The following UNC79 variants were observed in gnomAD, a reference collection of about 807,000 sequenced individuals.
UNC79 encodes the protein unc-79 subunit of NALCN channel complex.
A neutral mutation model predicts 283.1 loss-of-function variants in UNC79; 37 were observed. The observed-to-expected ratio is 0.13, with a 90% CI of 0.10 to 0.17. The LOEUF (loss-of-function observed/expected upper bound fraction) is 0.17. Among genes scored for constraint, UNC79 ranks in the 10% least tolerant of loss-of-function variants. The pLI, the probability that UNC79 is intolerant of heterozygous loss-of-function variation, is 1.00. For synonymous variants in UNC79, 1,107 were observed against 1,200.2 expected, an observed-to-expected ratio of 0.92 and a Z score of 1.61; for missense variants, 2,272 against 3,211.1, an observed-to-expected ratio of 0.71 and a Z score of 7.07.
At chr14:93,558,593 A>ATTTTTTTTTTTTTT (rs71129647) in intron 14 of UNC79, among the ~76,000 whole-genome samples, 8 of 62,778 alleles carry the variant, frequency 1.3e-4, no homozygotes, top group African/African-American at 4.4e-4. Flanking sequence ...AGAAACAGGG[A>ATTTTTTTTTTTTTT]TTTTTTTTTT....
At position 93,690,098 on chromosome 14, in the gene UNC79, A is replaced by G. The variant is rs2074572049; in HGVS notation, c.7086-19A>G. 1 of 1,611,072 alleles carries G rather than the reference A, an allele frequency of 6.2e-7. No individual in the cohort carries two copies. Among genetic ancestry groups the G allele is most frequent in the Non-Finnish European group, 8.5e-7 (1 of 1,178,000 alleles). On this transcript the variant is annotated intron_variant, in intron 44 of 48. Transcript: ENST00000555664. The surrounding 1 kb of genome is among the most constrained non-coding windows in gnomAD (Gnocchi z 4.3). ...CACAAAACATAAAATCATCTTTAAC[A>G]CTCCTTCTTCTCTAATAGACCTAAA...
chr14:93,701,192 A>G (rs1446181593), intron 47 of UNC79, among the ~76,000 whole-genome samples: 1 of 152,144 alleles, frequency 6.6e-6, no homozygotes, highest in African/African-American at 2.4e-5. Flanking sequence ...TGCAGGACTC[A>G]CCTGGTTTGT....
chr14:93,513,148 T>C (rs1403500891), intron 7 of UNC79, among the ~76,000 whole-genome samples: 2 of 152,132 alleles, frequency 1.3e-5, no homozygotes, highest in African/African-American at 4.8e-5. Flanking sequence ...ATTTTACTTG[T>C]ACATATTTTT....
At position 93,600,782 on chromosome 14, in the gene UNC79, G is replaced by T. The variant is rs2065440551; in HGVS notation, c.3574+12G>T. ...TCCTTTTCCTACAAGTAAGTAAAAT[G>T]AAGAACTTGCTGTAAACCGTTGCAG... On this transcript the variant is annotated intron_variant, in intron 25 of 48. Transcript: ENST00000555664. 2.5e-6 allele frequency: 4 copies of T among 1,609,720 alleles called. No homozygotes were observed. The highest frequency in any genetic ancestry group is 3.4e-6 in the Non-Finnish European group (4 of 1,176,674).
intron 38 of UNC79, among the ~76,000 whole-genome samples, 188 bp downstream of exon 41, chr14:93,655,595 G>A (rs1316466256): frequency 2.7e-5 from 4 of 149,840 alleles, no homozygotes; most frequent in Non-Finnish European, 5.9e-5. Flanking sequence ...GGAATGTGGA[G>A]TGAGCATTTT....
At chr14:93,347,987 A>T (rs1359204687) in intron 1 of UNC79, 1 of 1,222,796 alleles carries the variant, frequency 8.2e-7, no homozygotes, top group South Asian at 1.2e-5. Flanking sequence ...TCACTGGCCT[A>T]GGAAGCCATA....
At chr14:93,624,759 C>T (rs1381158901) in intron 30 of UNC79, among the ~76,000 whole-genome samples, 1 of 152,188 alleles carries the variant, frequency 6.6e-6, no homozygotes, top group Non-Finnish European at 1.5e-5. Flanking sequence ...TTCTGCCCCT[C>T]CTTGCTGGGC....
At chr14:93,489,769 C>T (rs949534060) in intron 5 of UNC79, among the ~76,000 whole-genome samples, 3 of 152,188 alleles carry the variant, frequency 2.0e-5, no homozygotes, top group African/African-American at 7.2e-5. Flanking sequence ...AGACCCTGCC[C>T]CTGTGGCTTT....
chr14:93,477,333 G>A (rs903281848), intron 3 of UNC79, among the ~76,000 whole-genome samples: 25 of 152,128 alleles, frequency 1.6e-4, no homozygotes, highest in Non-Finnish European at 3.5e-4. Context: ...AAAAATGCAT[G>A]TAATGGATAT....
chr14:93,690,026 C>G lies in UNC79; in HGVS notation c.7086-91C>G. ...TTATGTGATTGCCTGCAAGACCACA[C>G]TTTCAATCCCTTCCTTCAATAAGCA... On this transcript the variant is annotated intron_variant, in intron 44 of 48. Transcript: ENST00000555664. The surrounding 1 kb of genome is among the most constrained non-coding windows in gnomAD (Gnocchi z 4.3). 1 of 1,437,506 alleles carries G rather than the reference C, an allele frequency of 7.0e-7. No homozygotes were observed. The highest frequency in any genetic ancestry group is 9.5e-7 in the Non-Finnish European group (1 of 1,050,372). The allele number at this position is 1,437,506 out of a possible 1,614,324, so 89.0% of individuals were successfully genotyped here.
At chr14:93,542,506 G>A (rs762884277) in exon 14 of UNC79, 2 of 1,614,220 alleles carry the variant, frequency 1.2e-6, no homozygotes, top group Non-Finnish European at 1.7e-6. Context: ...CCTACAGAAA[G>A]CTTGGCCCGG....
intron 22 of UNC79, among the ~76,000 whole-genome samples, chr14:93,589,768 G>C (rs2064518156): frequency 6.6e-6 from 1 of 152,140 alleles, no homozygotes; most frequent in African/African-American, 2.4e-5. Context: ...AGACTCTCAA[G>C]AGAAAATCTT....
chr14:93,444,241 C>G (rs1246439114), intron 1 of UNC79, among the ~76,000 whole-genome samples: 1 of 151,994 alleles, frequency 6.6e-6, no homozygotes, highest in African/African-American at 2.4e-5. Context: ...ATTTGTATAT[C>G]TTCTTTTGGG....
intron 47 of UNC79, among the ~76,000 whole-genome samples, chr14:93,701,924 G>A (rs983036181): frequency 3.3e-5 from 5 of 152,258 alleles, no homozygotes; most frequent in African/African-American, 1.2e-4. Flanking sequence ...GGCAGCACTG[G>A]GAAAGGTATC....
chr14:93,555,169 TGTC>T (rs1281811478), intron 14 of UNC79, among the ~76,000 whole-genome samples: 1 of 152,268 alleles, frequency 6.6e-6, no homozygotes, highest in African/African-American at 2.4e-5. Context: ...TCTTTAAAAC[TGTC>T]TTTATTTACC....
At position 93,448,706 on chromosome 14, in the gene UNC79, CTG is replaced by C. The variant is rs371274623; in HGVS notation, c.22+17657_22+17658del. Among the ~76,000 whole-genome samples the C allele has an allele frequency of 9.2e-5, 14 of 152,312 alleles. No individual in the cohort carries two copies. The South Asian group carries it at 2.9e-3, about 32-fold the overall frequency. On this transcript the variant is annotated intron_variant, in intron 1 of 48. Coordinates refer to ENST00000555664, the Ensembl canonical transcript of UNC79. ...CCTGGCTGGGATGGAATTGCAAACT[CTG>C]TTCTCATGCAGCAGTTCCTTACTTT... is the stretch of plus-strand genomic sequence containing the variant.
chr14:93,394,102 C>T (rs1476093554), intron 1 of UNC79, among the ~76,000 whole-genome samples: 1 of 152,030 alleles, frequency 6.6e-6, no homozygotes, highest in Non-Finnish European at 1.5e-5. Flanking sequence ...AGTATTCTTG[C>T]TATGTTCTGA....
intron 1 of UNC79, among the ~76,000 whole-genome samples, chr14:93,459,831 C>T (rs530996538): frequency 8.1e-5 from 4 of 49,634 alleles, no homozygotes; most frequent in East Asian, 3.9e-4. Flanking sequence ...CCACCACGCC[C>T]GGCTAATTTT....
intron 19 of UNC79, among the ~76,000 whole-genome samples, chr14:93,581,168 A>C (rs901867187): frequency 6.6e-6 from 1 of 152,022 alleles, no homozygotes; most frequent in African/African-American, 2.4e-5. Flanking sequence ...TTTTTTTAAA[A>C]AAATTATTTA....
Sources: gnomAD v4.1 joint callset for allele counts (sites outside exome capture counted in the v4.1 genomes callset) on GRCh38, gnomAD v4.1.1 for gene constraint, Gnocchi (gnomAD v3.1) non-coding constraint, MANE v1.5 for transcripts, NCBI Gene and HGNC (gene_info 2026-07-23, HGNC 2026-07-21) for gene names.